The following POLA1 variants were observed in gnomAD, a reference collection of about 807,000 sequenced individuals.
POLA1 encodes the protein DNA polymerase alpha catalytic subunit.
POLA1 carries 15 observed loss-of-function variants against 124.0 expected under a neutral mutation model. That is an observed-to-expected ratio of 0.12 (90% CI 0.08 to 0.19). The LOEUF is 0.19. POLA1 is among the 10% of genes least tolerant of loss of function. POLA1 has a pLI of 1.00. For missense variants in POLA1, 886 were observed against 1,103.4 expected (o/e 0.80, Z 2.79); for synonymous variants, 408 against 389.4 (o/e 1.05, Z -0.56).
At chrX:24,735,326 G>A (rs1446419797) in intron 17 of POLA1, 73 bp from the exon 18 acceptor site, 4 of 605,922 alleles carry the variant, frequency 6.6e-6, no homozygotes, top group Non-Finnish European at 1.1e-5. Flanking sequence ...TACCATAGTT[G>A]AACAAGAAGC....
chrX:24,949,876 A>G (rs191656467), intron 36 of POLA1, among the ~76,000 whole-genome samples: 2 of 109,333 alleles, frequency 1.8e-5, no homozygotes, highest in Non-Finnish European at 3.8e-5. Flanking sequence ...CTGGGATTAC[A>G]GGTACACGCC....
At chrX:24,951,654 G>C (rs2048046238) in intron 36 of POLA1, among the ~76,000 whole-genome samples, 1 of 110,758 alleles carries the variant, frequency 9.0e-6, no homozygotes, top group Non-Finnish European at 1.9e-5. Flanking sequence ...ATGTATTTCT[G>C]TGTCCCTATA....
chrX:24,748,548 G>A (rs1393544415), intron 25 of POLA1, 88 bp downstream of exon 25: 7 of 783,577 alleles, frequency 8.9e-6, no homozygotes, highest in Non-Finnish European at 1.3e-5. Flanking sequence ...CTGGGCAATT[G>A]CAGGTACTTA....
intron 34 of POLA1, among the ~76,000 whole-genome samples, chrX:24,867,149 A>G (rs981142398): frequency 1.1e-4 from 12 of 111,598 alleles, no homozygotes; most frequent in African/African-American, 3.9e-4. Context: ...GTTCTAGTCT[A>G]TCATGCATCT....
At chrX:24,711,467 C>A (rs762189111) in intron 4 of POLA1, among the ~76,000 whole-genome samples, 1 of 112,301 alleles carries the variant, frequency 8.9e-6, no homozygotes, top group East Asian at 2.8e-4. Context: ...CAAATGGTTT[C>A]CTTGGAAGGA....
At chrX:24,761,369 T>C (rs751040442) in intron 26 of POLA1, among the ~76,000 whole-genome samples, 24 of 102,340 alleles carry the variant, frequency 2.3e-4, no homozygotes, top group African/African-American at 8.1e-4. Context: ...GTGTCAGACA[T>C]TTGGCTATAT....
At chrX:24,903,949 T>C (rs2047320011) in intron 35 of POLA1, among the ~76,000 whole-genome samples, 1 of 106,693 alleles carries the variant, frequency 9.4e-6, no homozygotes, top group Non-Finnish European at 1.9e-5. Flanking sequence ...TTCTTTTTTT[T>C]TTTTAAGACC....
intron 35 of POLA1, among the ~76,000 whole-genome samples, chrX:24,905,963 C>T: frequency 8.9e-6 from 1 of 112,160 alleles, no homozygotes; most frequent in Middle Eastern, 4.6e-3. Context: ...GAGACACCAC[C>T]TTACTGCTGC....
chrX:24,962,495 T>C (rs1375910888), intron 36 of POLA1, among the ~76,000 whole-genome samples: 1 of 112,106 alleles, frequency 8.9e-6, no homozygotes. Flanking sequence ...TTTTATTGAG[T>C]GTTTACTATA....
At chrX:24,760,440 C>T (rs1932775719) in intron 26 of POLA1, among the ~76,000 whole-genome samples, 1 of 111,868 alleles carries the variant, frequency 8.9e-6, no homozygotes, top group African/African-American at 3.3e-5. Context: ...AGGATGTTAC[C>T]ACACTGTCTC....
intron 36 of POLA1, among the ~76,000 whole-genome samples, chrX:24,944,969 T>G (rs1482221944): frequency 8.9e-6 from 1 of 111,870 alleles, no homozygotes; most frequent in Non-Finnish European, 1.9e-5. Flanking sequence ...TGGCCTGGGT[T>G]TCTCAAAAGC....
intron 32 of POLA1, among the ~76,000 whole-genome samples, chrX:24,837,608 T>A (rs2046358674): frequency 2.7e-5 from 3 of 112,139 alleles, no homozygotes; most frequent in Non-Finnish European, 3.8e-5. Context: ...TTTTCTTTAA[T>A]CATACTAAAT....
At position 24,909,910 on chromosome X, in the gene POLA1, C is replaced by A. The variant is rs865798105; in HGVS notation, c.4165-20543C>A. 4.1e-4 allele frequency among the ~76,000 whole-genome samples: 45 copies of A among 109,861 alleles called. 1 individual carries two copies. Among genetic ancestry groups the A allele is most frequent in the East Asian group, 2.3e-3 (8 of 3,471 alleles). On this transcript the variant is annotated intron_variant, in intron 35 of 36. Coordinates refer to ENST00000379068, the MANE Select transcript of POLA1 (RefSeq NM_001330360.2). The stretch of plus-strand genomic sequence containing the variant: ...ATTTGTTTGTATCCTCTTTTATTTC[C>A]TTGAGCAGTGGTTTGTAGTTCTCCT...
At position 24,727,077 on chromosome X, in the gene POLA1, GA is replaced by G; in HGVS notation, c.1531+11del. On this transcript the variant is annotated splice_region_variant and intron_variant, in intron 14 of 36. Coordinates refer to ENST00000379068, the MANE Select transcript of POLA1 (RefSeq NM_001330360.2). The stretch of plus-strand genomic sequence containing the variant: ...GCTTGAAGTAAAAAGTCCACGTAAG[GA>G]AAAATACATGCTCAGAATGCTGAAT... 1 of 1,185,185 alleles carries G rather than the reference GA, an allele frequency of 8.4e-7. No individual in the cohort carries two copies. Among genetic ancestry groups the G allele is most frequent in the Non-Finnish European group, 1.1e-6 (1 of 878,479 alleles).
intron 36 of POLA1, among the ~76,000 whole-genome samples, chrX:24,973,291 G>C (rs2048325565): frequency 9.0e-6 from 1 of 111,263 alleles, no homozygotes; most frequent in African/African-American, 3.3e-5. Context: ...CTTGAACCCA[G>C]GAGGCGGGGT....
At chrX:24,813,811 CAAAAAAA>C (rs553323828) in intron 29 of POLA1, among the ~76,000 whole-genome samples, 21 of 34,002 alleles carry the variant, frequency 6.2e-4, no homozygotes, top group Non-Finnish European at 1.1e-3. Context: ...GAGACGCCGT[CAAAAAAA>C]AAAAAAAAAA....
chrX:24,900,927 C>T (rs753424741), intron 35 of POLA1, among the ~76,000 whole-genome samples: 13 of 111,170 alleles, frequency 1.2e-4, no homozygotes, highest in Non-Finnish European at 2.5e-4. Flanking sequence ...GGCTGTGTGT[C>T]CTTGGAATGC....
intron 4 of POLA1, among the ~76,000 whole-genome samples, chrX:24,705,345 CAAAAG>C (rs1444848219): frequency 9.0e-6 from 1 of 111,597 alleles, no homozygotes; most frequent in Non-Finnish European, 1.9e-5. Flanking sequence ...GAATATGTAA[CAAAAG>C]AATATGTGAC....
chrX:24,851,970 G>T (rs1457027425), intron 34 of POLA1, among the ~76,000 whole-genome samples: 1 of 112,730 alleles, frequency 8.9e-6, no homozygotes, highest in African/African-American at 3.2e-5. Context: ...GTCAACAAGA[G>T]ATGGGAGGAG....
Sources: gnomAD v4.1 joint callset for allele counts (sites outside exome capture counted in the v4.1 genomes callset) on GRCh38, gnomAD v4.1.1 for gene constraint, MANE v1.5 for transcripts, NCBI Gene and HGNC (gene_info 2026-07-23, HGNC 2026-07-21) for gene names.